ROBO2: variants seen among roughly 807,000 people sequenced by gnomAD.
ROBO2 encodes roundabout homolog 2.
ROBO2 carries 53 observed loss-of-function variants against 160.8 expected under a neutral mutation model. The observed-to-expected ratio is 0.33, with a 90% CI of 0.26 to 0.41. The LOEUF (loss-of-function observed/expected upper bound fraction) is 0.41. Ranked by LOEUF, ROBO2 falls within the 10% of genes least tolerant of loss-of-function variation. The pLI is 1.00. For synonymous variants in ROBO2, 664 were observed against 611.7 expected (o/e 1.09, Z -1.26); for missense variants, 1,577 against 1,722.4 (o/e 0.92, Z 1.49).
At chr3:76,563,539 G>A (rs2084330039) in intron 2 of ROBO2, among the ~76,000 whole-genome samples, 2 of 152,156 alleles carry the variant, frequency 1.3e-5, no homozygotes, top group South Asian at 2.1e-4. Flanking sequence ...ATTTTGATAT[G>A]GGAAAATAAT....
Position 77,606,870 on chromosome 3 carries a change from TTA to T in ROBO2, c.3137-923_3137-922del, listed in dbSNP as rs2094536140. On this transcript the variant is annotated intron_variant, in intron 20 of 25. Transcript: ENST00000461745. ...TAGGCTGTGGTGGGAGCCACAGAAG[TTA>T]TATAGTGTCCCCTGAAATGTCCTTT... Among the ~76,000 whole-genome samples the T allele has an allele frequency of 2.6e-5, 4 of 152,270 alleles. No individual in the cohort carries two copies. The South Asian group carries it at 8.3e-4, about 32-fold the overall frequency.
intron 2 of ROBO2, among the ~76,000 whole-genome samples, chr3:75,959,532 A>G (rs1395788019): frequency 6.6e-6 from 1 of 151,614 alleles, no homozygotes. Flanking sequence ...TTCATGAATT[A>G]CTTATAATTT....
intron 2 of ROBO2, among the ~76,000 whole-genome samples, chr3:77,011,693 A>G (rs1335752715): frequency 6.6e-6 from 1 of 152,002 alleles, no homozygotes; most frequent in Admixed American, 6.6e-5. Context: ...GAGTGGTAAG[A>G]ATTTCTCCTT....
At chr3:76,040,522 G>C (rs2067244627) in intron 2 of ROBO2, among the ~76,000 whole-genome samples, 1 of 151,864 alleles carries the variant, frequency 6.6e-6, no homozygotes, top group Non-Finnish European at 1.5e-5. Flanking sequence ...AAGTTCTTTA[G>C]TGTCTGCATC....
At chr3:76,393,255 A>C (rs555408724) in intron 2 of ROBO2, among the ~76,000 whole-genome samples, 1 of 152,298 alleles carries the variant, frequency 6.6e-6, no homozygotes, top group African/African-American at 2.4e-5. Context: ...GGTGGTTTTG[A>C]AATTGTGTCA....
At chr3:76,871,969 C>T (rs1353613857) in intron 2 of ROBO2, among the ~76,000 whole-genome samples, 1 of 152,070 alleles carries the variant, frequency 6.6e-6, no homozygotes, top group East Asian at 1.9e-4. Context: ...TTAAAATTTT[C>T]TTTCATTCTT....
intron 1 of ROBO2, among the ~76,000 whole-genome samples, chr3:77,076,185 T>A (rs370259415): frequency 2.6e-5 from 4 of 152,298 alleles, no homozygotes; most frequent in African/African-American, 9.6e-5. Flanking sequence ...TTTCCATAGT[T>A]TATTTTTAAC....
chr3:76,961,801 C>CT (rs1212839751), intron 2 of ROBO2, among the ~76,000 whole-genome samples: 2 of 152,062 alleles, frequency 1.3e-5, no homozygotes, highest in African/African-American at 4.8e-5. Context: ...CCTACGGGTC[C>CT]TTTTTTTATT....
chr3:76,368,051 T>C (rs901031422), intron 2 of ROBO2, among the ~76,000 whole-genome samples: 3 of 151,934 alleles, frequency 2.0e-5, no homozygotes, highest in African/African-American at 4.8e-5. Context: ...TAAAATAAAA[T>C]AGTCATATAT....
chr3:76,333,244 A>G (rs943226912), intron 2 of ROBO2, among the ~76,000 whole-genome samples: 8 of 152,130 alleles, frequency 5.3e-5, no homozygotes, highest in African/African-American at 1.9e-4. Context: ...CTGCCCGAGA[A>G]GGTTGTTGTG....
chr3:76,935,911 G>A (rs1221834283), intron 2 of ROBO2, among the ~76,000 whole-genome samples: 1 of 152,030 alleles, frequency 6.6e-6, no homozygotes, highest in African/African-American at 2.4e-5. Context: ...ACCCCACAAA[G>A]GTCCTTCTTC....
intron 2 of ROBO2, among the ~76,000 whole-genome samples, chr3:76,568,720 C>T (rs747302760): frequency 6.6e-6 from 1 of 152,112 alleles, no homozygotes; most frequent in Non-Finnish European, 1.5e-5. Context: ...TTTTAAGAAT[C>T]TGTGAGATAT....
At chr3:76,960,738 A>G (rs946376107) in intron 2 of ROBO2, among the ~76,000 whole-genome samples, 10 of 152,212 alleles carry the variant, frequency 6.6e-5, no homozygotes, top group Non-Finnish European at 2.9e-5. Flanking sequence ...ACAAAATTCC[A>G]TAATGTAAGA....
At chr3:77,129,747 A>G (rs1190763362) in intron 2 of ROBO2, among the ~76,000 whole-genome samples, 1 of 152,128 alleles carries the variant, frequency 6.6e-6, no homozygotes. Context: ...TTTGCTGAGC[A>G]TACTTCCCAG....
intron 2 of ROBO2, among the ~76,000 whole-genome samples, chr3:76,650,360 C>T (rs1428399599): frequency 6.6e-6 from 1 of 152,096 alleles, no homozygotes; most frequent in African/African-American, 2.4e-5. Context: ...TTTCCCTTCC[C>T]TTTTCTCAGA....
chr3:76,920,087 C>T (rs574752241), intron 2 of ROBO2, among the ~76,000 whole-genome samples: 1 of 152,230 alleles, frequency 6.6e-6, no homozygotes, highest in South Asian at 2.1e-4. Context: ...AATCCAAATT[C>T]AGTAAATCAA....
At chr3:77,555,295 G>T (rs767050346) in intron 8 of ROBO2, among the ~76,000 whole-genome samples, 1 of 151,784 alleles carries the variant, frequency 6.6e-6, no homozygotes, top group African/African-American at 2.4e-5. Flanking sequence ...TTATTGTTGT[G>T]GTCTAGAACC....
In ROBO2 at chr3:76,250,216, A is replaced by T. The variant is rs17140582; in HGVS notation, c.109+312614A>T. Among the ~76,000 whole-genome samples the T allele has an allele frequency of 6.8e-4, 104 of 152,206 alleles. No homozygotes were observed. The East Asian group carries it at 0.017, about 25-fold the overall frequency. Reference sequence around the variant, plus strand: ...TAGTTACACTGCTTTTAGCTTCAAAACCAGGTGTGAATAAAAGTCTATAAC... The same window carrying T: ...TAGTTACACTGCTTTTAGCTTCAAATCCAGGTGTGAATAAAAGTCTATAAC... On this transcript the variant is annotated intron_variant, in intron 2 of 26. Transcript: ENST00000487694.
At chr3:76,840,577 T>C (rs1351607383) in intron 2 of ROBO2, among the ~76,000 whole-genome samples, 4 of 148,498 alleles carry the variant, frequency 2.7e-5, no homozygotes, top group African/African-American at 9.9e-5. Context: ...ACCACTGCAC[T>C]CCAGCCTGGG....
Sources: allele counts gnomAD v4.1 joint callset (sites outside exome capture counted in the v4.1 genomes callset), GRCh38; gene constraint gnomAD v4.1.1; transcripts MANE v1.5; gene names NCBI Gene and HGNC (gene_info 2026-07-23, HGNC 2026-07-21).